Variants in XCR1 observed in about 807,000 individuals in gnomAD.
The protein encoded by XCR1 is chemokine XC receptor 1.
For synonymous variants in XCR1, 187 were observed against 188.5 expected (o/e 0.99, Z 0.06); for missense variants, 356 against 424.2 (o/e 0.84, Z 1.41).
intron 1 of XCR1, among the ~76,000 whole-genome samples, chr3:46,085,632 G>A (rs1698461224): frequency 6.6e-6 from 1 of 152,174 alleles, no homozygotes; most frequent in African/African-American, 2.4e-5. Flanking sequence ...CCTTGGCCTG[G>A]CTCACTGATC....
At chr3:46,057,890 A>ATCTGTCTG (rs879574071) in intron 4 of XCR1, among the ~76,000 whole-genome samples, 1,560 of 122,226 alleles carry the variant, frequency 0.013, 24 homozygotes, top group African/African-American at 0.043. Context: ...CTGTCTATCT[A>ATCTGTCTG]TCTATCTATC....
chr3:46,061,509 T>G (rs1697961016), intron 4 of XCR1, among the ~76,000 whole-genome samples: 1 of 152,236 alleles, frequency 6.6e-6, no homozygotes, highest in African/African-American at 2.4e-5. Flanking sequence ...TTTCCTCTAC[T>G]GAGTTCACCC....
chr3:46,021,928 G>A lies in XCR1; in HGVS notation c.20C>T (p.Pro7Leu). ...ATAGTAAAAAAAGGTGGTGCTCTCTGGGTTGCCTGAGGACTCCATCTGGAC... is the reference window on the plus strand; with the variant it reads ...ATAGTAAAAAAAGGTGGTGCTCTCTAGGTTGCCTGAGGACTCCATCTGGAC... Reference protein sequence around the residue: MESSGNPESTTFFYYDL... With the variant: MESSGNLESTTFFYYDL... The change falls in exon 2 of 2, where the codon CCA becomes CTA. Residue 7 changes from proline (P) to leucine (L), a missense_variant. Pro to Leu is a moderately conservative substitution (Grantham distance 98). Transcript: ENST00000309285. The surrounding 1 kb of genome is among the most constrained non-coding windows in gnomAD (Gnocchi z 4.7). 6.2e-7 allele frequency: 1 copy of A among 1,612,646 alleles called. No individual in the cohort carries two copies. The highest frequency in any genetic ancestry group is 1.1e-5 in the South Asian group (1 of 90,794).
At chr3:46,027,982 C>A (rs567982745), upstream of XCR1, among the ~76,000 whole-genome samples, 2 of 152,318 alleles carry the variant, frequency 1.3e-5, no homozygotes, top group African/African-American at 4.8e-5. Context: ...GTTCTTTACA[C>A]TATTGTACCT....
chr3:46,038,987 A>G (rs1697486442), intron 5 of XCR1, among the ~76,000 whole-genome samples: 1 of 152,210 alleles, frequency 6.6e-6, no homozygotes, highest in East Asian at 1.9e-4. Flanking sequence ...GGTTAAAAAA[A>G]AAAAAGTGAG....
intron 5 of XCR1, among the ~76,000 whole-genome samples, chr3:46,047,662 C>T (rs1697660069): frequency 6.6e-6 from 1 of 152,118 alleles, no homozygotes; most frequent in African/African-American, 2.4e-5. Context: ...CCTTTCCTTC[C>T]TAGATAATGC....
At chr3:46,063,530 A>T (rs1698006268) in intron 4 of XCR1, among the ~76,000 whole-genome samples, 1 of 152,020 alleles carries the variant, frequency 6.6e-6, no homozygotes, top group South Asian at 2.1e-4. Flanking sequence ...AGAAAAGGGA[A>T]CTGTGGGTGC....
chr3:46,045,117 C>T (rs1009080881), intron 5 of XCR1, among the ~76,000 whole-genome samples: 1 of 151,952 alleles, frequency 6.6e-6, no homozygotes, highest in Non-Finnish European at 1.5e-5. Context: ...AAAAAAAACC[C>T]CTAAATGTAT....
At chr3:46,082,659 TA>T (rs35864744) in intron 1 of XCR1, among the ~76,000 whole-genome samples, 53 of 148,828 alleles carry the variant, frequency 3.6e-4, no homozygotes, top group African/African-American at 1.1e-3. Flanking sequence ...CCCAGCTAAT[TA>T]AAAAAAAAAT....
At chr3:46,041,257 G>A (rs1697532241) in intron 5 of XCR1, among the ~76,000 whole-genome samples, 1 of 152,102 alleles carries the variant, frequency 6.6e-6, no homozygotes, top group Admixed American at 6.5e-5. Context: ...ATTTTCTAAG[G>A]GCTTTGACTG....
chr3:46,060,844 C>G (rs1408218197), intron 4 of XCR1, among the ~76,000 whole-genome samples: 1 of 152,182 alleles, frequency 6.6e-6, no homozygotes, highest in East Asian at 1.9e-4. Context: ...CTGGCTGCCA[C>G]CATAATTGAG....
chr3:46,062,681 A>G (rs1048400057), intron 4 of XCR1, among the ~76,000 whole-genome samples: 1 of 151,862 alleles, frequency 6.6e-6, no homozygotes, highest in Non-Finnish European at 1.5e-5. Flanking sequence ...AAATTCCAAC[A>G]GAACAGGAGC....
intron 5 of XCR1, among the ~76,000 whole-genome samples, chr3:46,043,717 TACACACACACACACACAC>T (rs144432920): frequency 2.1e-5 from 3 of 141,482 alleles, no homozygotes; most frequent in East Asian, 2.2e-4. Context: ...ACCTCATCTC[TACACACACACACACACAC>T]ACACACACAC....
chr3:46,038,030 G>GTTTT (rs368953503), intron 5 of XCR1, among the ~76,000 whole-genome samples: 2,891 of 123,154 alleles, frequency 0.023, 48 homozygotes, highest in Middle Eastern at 0.074. Flanking sequence ...TTTGTTTTTT[G>GTTTT]TTTTTTTTTT....
At chr3:46,079,622 C>T (rs547143535) in intron 1 of XCR1, among the ~76,000 whole-genome samples, 1 of 152,176 alleles carries the variant, frequency 6.6e-6, no homozygotes, top group South Asian at 2.1e-4. Flanking sequence ...GAACTTGAAC[C>T]CCCTCCCTGA....
At chr3:46,044,289 C>T (rs1697586283) in intron 5 of XCR1, among the ~76,000 whole-genome samples, 1 of 152,068 alleles carries the variant, frequency 6.6e-6, no homozygotes, top group Admixed American at 6.6e-5. Flanking sequence ...GCCTGGCCCT[C>T]ATTGTGGTTT....
chr3:46,058,078 T>C (rs1289493090), intron 4 of XCR1, among the ~76,000 whole-genome samples: 1 of 152,170 alleles, frequency 6.6e-6, no homozygotes, highest in African/African-American at 2.4e-5. Context: ...ATTTAGGTAA[T>C]GGAAGTGGTT....
At chr3:46,037,840 C>T (rs571603453) in intron 5 of XCR1, among the ~76,000 whole-genome samples, 1 of 152,232 alleles carries the variant, frequency 6.6e-6, no homozygotes, top group African/African-American at 2.4e-5. Flanking sequence ...ATTTCACATA[C>T]ATGCTTGCAT....
upstream of XCR1, among the ~76,000 whole-genome samples, chr3:46,030,099 G>T (rs1708370067): frequency 6.6e-6 from 1 of 150,838 alleles, no homozygotes; most frequent in Non-Finnish European, 1.5e-5. Flanking sequence ...GTACTATAAA[G>T]TCATGACATC....
Sources: allele counts gnomAD v4.1 joint callset (sites outside exome capture counted in the v4.1 genomes callset), GRCh38; gene constraint gnomAD v4.1.1; non-coding constraint Gnocchi (gnomAD v3.1); transcripts MANE v1.5; gene names NCBI Gene and HGNC (gene_info 2026-07-23, HGNC 2026-07-21).